The following SLC7A11 variants were observed in gnomAD, a reference collection of about 807,000 sequenced individuals.
SLC7A11 encodes the protein solute carrier family 7 member 11, also known as cystine/glutamate transporter.
In SLC7A11, 35 loss-of-function variants were observed where a neutral mutation model predicts 54.5. That is an observed-to-expected ratio of 0.64 (90% CI 0.49 to 0.85). SLC7A11 has a LOEUF of 0.85. SLC7A11 is among the 40% of genes least tolerant of loss of function. The pLI, the probability that SLC7A11 is intolerant of heterozygous loss-of-function variation, is 0.00. For synonymous variants in SLC7A11, 230 were observed against 225.2 expected (o/e 1.02, Z -0.19); for missense variants, 583 against 618.1 (o/e 0.94, Z 0.60).
At chr4:138,186,905 T>C (rs1195372039) in intron 6 of SLC7A11, among the ~76,000 whole-genome samples, 1 of 152,036 alleles carries the variant, frequency 6.6e-6, no homozygotes, top group Non-Finnish European at 1.5e-5. Flanking sequence ...GTAAATTCTT[T>C]CTATGGAGGA....
intron 1 of SLC7A11, 29 bp downstream of exon 1, chr4:138,241,764 G>GC (rs1560744817): frequency 6.5e-7 from 1 of 1,532,960 alleles, no homozygotes; most frequent in Admixed American, 1.7e-5. Context: ...CCACAGCCAC[G>GC]CCCCCACGAG....
rs745562084 is a variant in SLC7A11, at chr4:138,182,353, T to A, written c.1060A>T (p.Ile354Phe). The change falls in exon 9 of 12, where the codon ATC becomes TTC. Residue 354 changes from isoleucine to phenylalanine, a missense_variant. Ile to Phe is a conservative substitution (Grantham distance 21). Transcript: ENST00000280612. Reference sequence around the variant, plus strand: ...TTGCGGACATGAATCATGGAGAGGATTTCTGGAAGGTGACCCTCTCGAGAC... The same window carrying A: ...TTGCGGACATGAATCATGGAGAGGAATTCTGGAAGGTGACCCTCTCGAGAC... ...VASREGHLPE[I>F]LSMIHVRKHT... The A allele has an allele frequency of 1.2e-6, 2 of 1,612,082 alleles. No homozygotes were observed. Among genetic ancestry groups the A allele is most frequent in the South Asian group, 2.2e-5 (2 of 91,034 alleles).
rs1249607992 is a variant in SLC7A11, at chr4:138,169,121, T to C, written c.*2835A>G. 2.6e-5 allele frequency: 4 copies of C among 152,106 alleles called. No homozygotes were observed. The highest frequency in any genetic ancestry group is 5.9e-5 in the Non-Finnish European group (4 of 67,996). 9.4% of individuals were successfully genotyped at this position (152,106 alleles called of 1,614,324 possible). A position where few individuals can be genotyped will look rare whatever the true frequency, so the allele number is the denominator to read the frequency against. Reference sequence around the variant, plus strand: ...TATAATAAACTTATGTATATAAACATTTGAATATGCATGGTACAAAGTACA... The same window carrying C: ...TATAATAAACTTATGTATATAAACACTTGAATATGCATGGTACAAAGTACA... On this transcript the variant is annotated 3_prime_UTR_variant, in exon 12 of 12. Transcript: ENST00000280612.
Position 138,165,448 on chromosome 4 carries a change from A to T in SLC7A11, c.*6508T>A, listed in dbSNP as rs1172481798. 1 of 152,600 alleles carries T rather than the reference A, an allele frequency of 6.6e-6. No homozygotes were observed. Among genetic ancestry groups the T allele is most frequent in the African/African-American group, 2.4e-5 (1 of 41,458 alleles). The allele number at this position is 152,600 out of a possible 1,614,324, so 9.5% of individuals were successfully genotyped here. On this transcript the variant is annotated 3_prime_UTR_variant, in exon 12 of 12. Transcript: ENST00000280612. The stretch of plus-strand genomic sequence containing the variant: ...TACTATAAAATCACAGGTAGCCAAC[A>T]TTTAGTATCAGTAAAAAACAACTAC...
rs531119550 is a variant in SLC7A11, at chr4:138,167,743, C to T, written c.*4213G>A. The T allele has an allele frequency of 1.7e-4, 26 of 152,150 alleles. No individual in the cohort carries two copies. Among genetic ancestry groups the T allele is most frequent in the African/African-American group, 6.0e-4 (25 of 41,534 alleles). The allele number at this position is 152,150 out of a possible 1,614,324, so 9.4% of individuals were successfully genotyped here. ...GAATGGTTAGGAAAGCAAAATGTAA[C>T]TCTGTAAACTTGATCAGCACTAATG... On this transcript the variant is annotated 3_prime_UTR_variant, in exon 12 of 12. Transcript: ENST00000280612.
At position 138,183,189 on chromosome 4, in the gene SLC7A11, T is replaced by A. The variant is rs747399838; in HGVS notation, c.1019+13A>T. 6.4e-7 allele frequency: 1 copy of A among 1,566,338 alleles called. No homozygotes were observed. ...ACAGAAATGTGTTTCTGGAAATACA[T>A]GAACTCACTCACCTGGAGACAGCAA... is the stretch of plus-strand genomic sequence containing the variant. On this transcript the variant is annotated intron_variant, in intron 8 of 11. Transcript: ENST00000280612.
At chr4:138,223,971 T>C (rs1329566978) in intron 3 of SLC7A11, among the ~76,000 whole-genome samples, 2 of 152,212 alleles carry the variant, frequency 1.3e-5, no homozygotes, top group African/African-American at 4.8e-5. Context: ...CAGGCTAGAA[T>C]GCACATTGGG....
chr4:138,236,528 T>C (rs1213910213), intron 1 of SLC7A11, 77 bp from the exon 2 acceptor site: 1 of 1,355,578 alleles, frequency 7.4e-7, no homozygotes, highest in Non-Finnish European at 1.0e-6. Context: ...GATACAATAA[T>C]GTTTATATGT....
intron 2 of SLC7A11, among the ~76,000 whole-genome samples, chr4:138,235,757 A>C (rs1738192941): frequency 6.6e-6 from 1 of 152,240 alleles, no homozygotes; most frequent in African/African-American, 2.4e-5. Flanking sequence ...ACACATTGTT[A>C]CAACAATAAA....
At chr4:138,224,853 A>G (rs1201715092) in intron 3 of SLC7A11, among the ~76,000 whole-genome samples, 1 of 147,602 alleles carries the variant, frequency 6.8e-6, no homozygotes, top group East Asian at 2.0e-4. Flanking sequence ...GAAGGAAGGA[A>G]GGAAGGAGAA....
chr4:138,238,771 T>C (rs1027689081), intron 1 of SLC7A11, among the ~76,000 whole-genome samples: 1 of 151,956 alleles, frequency 6.6e-6, no homozygotes, highest in African/African-American at 2.4e-5. Flanking sequence ...AGCTAAATTT[T>C]TGTGTATTTT....
chr4:138,237,715 ATATATATATATATATATATATATT>A (rs1738250098), intron 1 of SLC7A11, among the ~76,000 whole-genome samples: 5 of 6,430 alleles, frequency 7.8e-4, no homozygotes, highest in African/African-American at 2.2e-3. Flanking sequence ...ATATATATAT[ATATATATATATATATATATATATT>A]TTTTTTTTTT....
intron 6 of SLC7A11, among the ~76,000 whole-genome samples, chr4:138,198,570 T>C (rs1194342852): frequency 1.3e-5 from 2 of 152,298 alleles, no homozygotes; most frequent in Middle Eastern, 3.4e-3. Flanking sequence ...ATAAGTATTC[T>C]TAGCTATTGC....
At chr4:138,180,533 C>A in intron 10 of SLC7A11, 108 bp downstream of exon 10, 3 of 1,090,596 alleles carry the variant, frequency 2.8e-6, no homozygotes, top group East Asian at 2.6e-5. Context: ...ATTTTTATTC[C>A]ACAGATGCTG....
intron 6 of SLC7A11, among the ~76,000 whole-genome samples, chr4:138,206,961 T>C (rs933876042): frequency 2.2e-5 from 3 of 134,934 alleles, no homozygotes. Flanking sequence ...TAAAAATGGA[T>C]TAATCAAGCT....
chr4:138,223,262 T>C lies in SLC7A11; in HGVS notation c.583A>G (p.Thr195Ala). ...SWSARIQIFLTFCKLTAILII... is the reference protein window; with the variant it reads ...SWSARIQIFLAFCKLTAILII... ...AGAATTGCTGTGAGCTTGCAAAAGG[T>C]TAAGAAAATCTGGATCCGGGCGCTC... is the stretch of plus-strand genomic sequence containing the variant. Residue 195 changes from threonine (T) to alanine (A), a missense_variant, in exon 4 of 12, where the codon ACC (threonine) becomes GCC (alanine). By Grantham distance (58) the Thr-to-Ala change is moderately conservative. Coordinates refer to ENST00000280612, the MANE Select transcript of SLC7A11 (RefSeq NM_014331.4). 1 of 1,613,642 alleles carries C rather than the reference T, an allele frequency of 6.2e-7. No individual in the cohort carries two copies.
At chr4:138,184,468 T>G (rs1578635873) in intron 7 of SLC7A11, among the ~76,000 whole-genome samples, 2 of 152,230 alleles carry the variant, frequency 1.3e-5, no homozygotes, top group East Asian at 3.9e-4. Context: ...ACATGATCTT[T>G]GGGGACAAAG....
chr4:138,193,031 A>C (rs1737048171), intron 6 of SLC7A11, among the ~76,000 whole-genome samples: 1 of 152,184 alleles, frequency 6.6e-6, no homozygotes, highest in South Asian at 2.1e-4. Flanking sequence ...TAGACAGTAA[A>C]CGCATGTCTT....
intron 6 of SLC7A11, among the ~76,000 whole-genome samples, chr4:138,203,682 A>C (rs1015439559): frequency 1.3e-5 from 2 of 152,140 alleles, no homozygotes; most frequent in East Asian, 1.9e-4. Flanking sequence ...CAAAATAAAC[A>C]TGCAAAATAA....
Sources: allele counts gnomAD v4.1 joint callset (sites outside exome capture counted in the v4.1 genomes callset), GRCh38; gene constraint gnomAD v4.1.1; transcripts MANE v1.5; gene names NCBI Gene and HGNC (gene_info 2026-07-23, HGNC 2026-07-21).